CTSB: variants seen among roughly 807,000 people sequenced by gnomAD.
CTSB encodes APP secretase.
In CTSB, 57 loss-of-function variants were observed where a neutral mutation model predicts 44.3. The ratio of observed to expected loss-of-function variants is 1.29; its 90% CI spans 1.04 to 1.60. CTSB has a LOEUF of 1.60. CTSB is among the 40% of genes most tolerant of loss of function. CTSB has a pLI of 0.00. For synonymous variants in CTSB, 320 were observed against 168.0 expected, an observed-to-expected ratio of 1.91 and a Z score of -7.00; for missense variants, 768 against 443.0, an observed-to-expected ratio of 1.73 and a Z score of -6.59.
intron 4 of CTSB, 43 bp downstream of exon 4, chr8:11,850,823 C>A: frequency 6.9e-7 from 1 of 1,444,566 alleles, no homozygotes; most frequent in South Asian, 1.2e-5. Context: ...GTGTTGCTCC[C>A]ACTTTCTCTC....
intron 9 of CTSB, 41 bp downstream of exon 9, chr8:11,845,620 C>G: frequency 1.3e-6 from 2 of 1,599,348 alleles, no homozygotes; most frequent in Non-Finnish European, 1.7e-6. Flanking sequence ...GGGTGTGGCT[C>G]ACAATTCACT....
chr8:11,843,829 G>A lies in CTSB; in HGVS notation c.*1296C>T, dbSNP rs1395166246. 2.4e-4 allele frequency: 36 copies of A among 152,304 alleles called. No individual in the cohort carries two copies. Among genetic ancestry groups the A allele is most frequent in the African/African-American group, 7.7e-4 (32 of 41,536 alleles). 9.4% of individuals were successfully genotyped at this position (152,304 alleles called of 1,614,324 possible). ...GCAGACCACCTGAGGCCGGGAGTTTGAAACTAGCCTGGCCAACATGGTGAA... is the reference window on the plus strand; with the variant it reads ...GCAGACCACCTGAGGCCGGGAGTTTAAAACTAGCCTGGCCAACATGGTGAA... On this transcript the variant is annotated 3_prime_UTR_variant, in exon 10 of 10. Coordinates refer to ENST00000353047, the MANE Select transcript of CTSB (RefSeq NM_001908.5).
intron 1 of CTSB, among the ~76,000 whole-genome samples, chr8:11,858,763 G>A (rs376391518): frequency 5.4e-4 from 82 of 152,260 alleles, no homozygotes; most frequent in African/African-American, 1.7e-3. Flanking sequence ...CCACAACAAC[G>A]CAAATCTCAA....
intron 1 of CTSB, among the ~76,000 whole-genome samples, chr8:11,858,678 A>G (rs1239710584): frequency 6.6e-6 from 1 of 152,192 alleles, no homozygotes. Context: ...GAGAACTCAA[A>G]AAGTGTCAAG....
intron 1 of CTSB, among the ~76,000 whole-genome samples, chr8:11,863,296 T>TA (rs1195483367): frequency 6.6e-6 from 1 of 152,016 alleles, no homozygotes; most frequent in Admixed American, 6.6e-5. Flanking sequence ...CCGTCTCTAC[T>TA]AAAAATACAA....
intron 8 of CTSB, 130 bp downstream of exon 8, chr8:11,846,922 C>G: frequency 1.5e-6 from 1 of 678,920 alleles, no homozygotes; most frequent in Non-Finnish European, 2.7e-6. Flanking sequence ...TGGAAGGCCC[C>G]ACACAGCCCT....
intron 1 of CTSB, among the ~76,000 whole-genome samples, chr8:11,854,070 G>A (rs1181838776): frequency 2.6e-5 from 4 of 152,196 alleles, no homozygotes. Context: ...AGGCTTCTGA[G>A]AAGGAAAACT....
Position 11,849,117 on chromosome 8 carries a change from G to T in CTSB, c.375C>A (p.Thr125=). ...EAISDRICIH[T]NAHVSVEVSA... ...ACACCTCCACGCTGACGTGCGCATTGGTGTGGATGCAGATCCGGTCAGAGA... is the reference window on the plus strand; with the variant it reads ...ACACCTCCACGCTGACGTGCGCATTTGTGTGGATGCAGATCCGGTCAGAGA... Residue 125 remains threonine, a synonymous_variant, in exon 5 of 10, where the codon ACC becomes ACA. Transcript: ENST00000353047. 1 of 1,613,566 alleles carries T rather than the reference G, an allele frequency of 6.2e-7. No individual in the cohort carries two copies. The highest frequency in any genetic ancestry group is 8.5e-7 in the Non-Finnish European group (1 of 1,179,894).
At position 11,843,932 on chromosome 8, in the gene CTSB, T is replaced by A. The variant is rs150223418; in HGVS notation, c.*1193A>T. On this transcript the variant is annotated 3_prime_UTR_variant, in exon 10 of 10. Coordinates refer to ENST00000353047, the MANE Select transcript of CTSB (RefSeq NM_001908.5). ...CTGTCATCCCAGCTACTCGGAAGGC[T>A]GAAGCAGGAGAATCGCTTGAATCTA... is the stretch of plus-strand genomic sequence containing the variant. The A allele has an allele frequency of 6.6e-6, 1 of 152,342 alleles. No individual in the cohort carries two copies. Among genetic ancestry groups the A allele is most frequent in the African/African-American group, 2.4e-5 (1 of 41,582 alleles). The allele number at this position is 152,342 out of a possible 1,614,324, so 9.4% of individuals were successfully genotyped here.
At position 11,845,248 on chromosome 8, in the gene CTSB, T is replaced by A. The variant is rs761816545; in HGVS notation, c.923-26A>T. On this transcript the variant is annotated intron_variant, in intron 9 of 9. Coordinates refer to ENST00000353047, the MANE Select transcript of CTSB (RefSeq NM_001908.5). ...CTGGGAATAAAAAGTAAGGTGCTTT[T>A]AAAGTGTGACAAGGGTCAACCAATA... The A allele has an allele frequency of 1.9e-6, 3 of 1,558,574 alleles. No individual in the cohort carries two copies. In the Admixed American group the frequency reaches 5.0e-5, roughly 26 times the overall value.
rs560756918 is a variant in CTSB at position 11,845,875 on chromosome 8, C to T, written c.794-86G>A. On this transcript the variant is annotated intron_variant, in intron 8 of 9. Transcript: ENST00000353047. ...CCCCCACACTCAGCTGGTCATGCTC[C>T]GGGAAGGAGAAACAGCTTCCAGAGG... 221 of 1,446,178 alleles carry T rather than the reference C, an allele frequency of 1.5e-4. No individual in the cohort carries two copies. In the East Asian group the frequency reaches 2.5e-3, roughly 16 times the overall value. The allele number at this position is 1,446,178 out of a possible 1,614,324, so 89.6% of individuals were successfully genotyped here.
At chr8:11,848,550 G>T in intron 5 of CTSB, 1 of 353,104 alleles carries the variant, frequency 2.8e-6, no homozygotes, top group Non-Finnish European at 5.5e-6. Flanking sequence ...ACTAGTTAGG[G>T]GAGAAGCCCA....
At chr8:11,867,307 CA>C (rs1053944648) in intron 1 of CTSB, 1 of 152,336 alleles carries the variant, frequency 6.6e-6, no homozygotes, top group African/African-American at 2.4e-5. Context: ...TACTGGAGTC[CA>C]GGAGCAGGGT....
At chr8:11,866,451 C>G (rs1334188871) in intron 1 of CTSB, among the ~76,000 whole-genome samples, 2 of 152,224 alleles carry the variant, frequency 1.3e-5, no homozygotes, top group Non-Finnish European at 2.9e-5. Flanking sequence ...GGACAAATGA[C>G]CAAAGACGAA....
intron 8 of CTSB, 40 bp downstream of exon 8, chr8:11,847,012 C>T (rs531710739): frequency 1.3e-5 from 13 of 999,226 alleles, no homozygotes; most frequent in South Asian, 3.8e-5. Context: ...GCTCCCCTCC[C>T]GACCCCCACC....
intron 8 of CTSB, among the ~76,000 whole-genome samples, chr8:11,846,726 G>T (rs1813418411): frequency 6.6e-6 from 1 of 152,238 alleles, no homozygotes; most frequent in African/African-American, 2.4e-5. Context: ...GAAGGCGAGG[G>T]CAGGCGTGGC....
chr8:11,847,139 C>T lies in CTSB; in HGVS notation c.706G>A (p.Glu236Lys), dbSNP rs371497066. ...TAGATCTCGGCCATGATGTCCTTCT[C>T]GCTATTGGAGACGCTGTAGGAATTG... The part of the protein sequence containing the change: ...GYNSYSVSNS[E>K]KDIMAEIYKN... The change falls in exon 8 of 10, where the codon GAG (glutamate) becomes AAG (lysine). Residue 236 changes from glutamate to lysine, a missense_variant. By Grantham distance (56) the Glu-to-Lys change is moderately conservative (BLOSUM62 1). Coordinates refer to ENST00000353047, the MANE Select transcript of CTSB (RefSeq NM_001908.5). 15 of 1,602,600 alleles carry T rather than the reference C, an allele frequency of 9.4e-6. No homozygotes were observed. Among genetic ancestry groups the T allele is most frequent in the East Asian group, 2.3e-5 (1 of 44,408 alleles).
chr8:11,858,014 A>C (rs1354431133), intron 1 of CTSB: 4 of 152,206 alleles, frequency 2.6e-5, no homozygotes, highest in African/African-American at 9.7e-5. Context: ...TCTGCCACTG[A>C]CTAAATGGCA....
At position 11,843,991 on chromosome 8, in the gene CTSB, C is replaced by A. The variant is rs902340876; in HGVS notation, c.*1134G>T. 2 of 152,180 alleles carry A rather than the reference C, an allele frequency of 1.3e-5. No homozygotes were observed. The highest frequency in any genetic ancestry group is 4.8e-5 in the African/African-American group (2 of 41,400). The allele number at this position is 152,180 out of a possible 1,614,324, so 9.4% of individuals were successfully genotyped here. On this transcript the variant is annotated 3_prime_UTR_variant, in exon 10 of 10. Coordinates refer to ENST00000353047, the MANE Select transcript of CTSB (RefSeq NM_001908.5). ...CAGGTTGCAGTGAGCTGAGAAGGCGCCACTGCACTCCAGCCTGGGAGACGG... is the reference window on the plus strand; with the variant it reads ...CAGGTTGCAGTGAGCTGAGAAGGCGACACTGCACTCCAGCCTGGGAGACGG...
Sources: allele counts gnomAD v4.1 joint callset (sites outside exome capture counted in the v4.1 genomes callset), GRCh38; gene constraint gnomAD v4.1.1; transcripts MANE v1.5; gene names NCBI Gene and HGNC (gene_info 2026-07-23, HGNC 2026-07-21).